The following DPYD variants were observed in gnomAD, a reference collection of about 807,000 sequenced individuals.
DPYD encodes dihydropyrimidine dehydrogenase [NADP(+)].
DPYD carries 109 observed loss-of-function variants against 116.2 expected under a neutral mutation model. The ratio of observed to expected loss-of-function variants is 0.94; its 90% confidence interval spans 0.80 to 1.10. The LOEUF (loss-of-function observed/expected upper bound fraction) is 1.10, where lower values mean the gene tolerates loss of function less well. Among genes scored for constraint, DPYD ranks in the 50% least tolerant of loss-of-function variants. DPYD has a pLI of 0.00. For missense variants in DPYD, 1,302 were observed against 1,254.5 expected (o/e 1.04, Z -0.57); for synonymous variants, 440 against 432.0 (o/e 1.02, Z -0.23).
intron 14 of DPYD, among the ~76,000 whole-genome samples, chr1:97,385,424 G>T (rs1005835075): frequency 7.5e-5 from 11 of 146,928 alleles, no homozygotes; most frequent in Non-Finnish European, 1.6e-4. Context: ...CAGATACAGA[G>T]ATACAGACTG....
chr1:97,294,984 T>G (rs886994300), intron 18 of DPYD, among the ~76,000 whole-genome samples: 1 of 152,208 alleles, frequency 6.6e-6, no homozygotes, highest in African/African-American at 2.4e-5. Flanking sequence ...TGTAGACTAT[T>G]AGAATTTAAT....
chr1:97,827,122 A>C (rs1669279428), intron 3 of DPYD, among the ~76,000 whole-genome samples: 1 of 152,058 alleles, frequency 6.6e-6, no homozygotes, highest in Non-Finnish European at 1.5e-5. Context: ...GCAGCTTCTA[A>C]ACTAAAGTAT....
chr1:97,144,004 T>C (rs1395845642), intron 20 of DPYD, among the ~76,000 whole-genome samples: 3 of 152,202 alleles, frequency 2.0e-5, no homozygotes, highest in African/African-American at 7.2e-5. Flanking sequence ...CTTGCCATGA[T>C]TCTCTGGTCA....
chr1:97,814,918 A>AAGAGG (rs1553245496), intron 3 of DPYD, among the ~76,000 whole-genome samples: 7 of 85,572 alleles, frequency 8.2e-5, no homozygotes, highest in Non-Finnish European at 1.1e-4. Flanking sequence ...AAAAAAAAAA[A>AAGAGG]AAAGAAAGAG....
chr1:97,235,157 T>C (rs887588333), intron 18 of DPYD, among the ~76,000 whole-genome samples, 163 bp from the exon 19 acceptor site: 1 of 152,284 alleles, frequency 6.6e-6, no homozygotes, highest in Non-Finnish European at 1.5e-5. Flanking sequence ...ATAAATGTTA[T>C]GTTTTAAAGC....
At chr1:97,389,310 G>GAA (rs11349223) in intron 14 of DPYD, among the ~76,000 whole-genome samples, 21 of 138,642 alleles carry the variant, frequency 1.5e-4, no homozygotes, top group Admixed American at 4.3e-4. Flanking sequence ...TTTTGTCTTT[G>GAA]AAAAAAAAAA....
intron 2 of DPYD, among the ~76,000 whole-genome samples, chr1:97,863,898 C>T (rs1016293640): frequency 6.6e-6 from 1 of 151,872 alleles, no homozygotes; most frequent in African/African-American, 2.4e-5. Context: ...ATATAAAACC[C>T]TGGAATACAG....
chr1:97,187,643 C>T (rs1658090223), intron 20 of DPYD, among the ~76,000 whole-genome samples: 1 of 151,894 alleles, frequency 6.6e-6, no homozygotes, highest in Non-Finnish European at 1.5e-5. Context: ...ATTATTTTTG[C>T]CTAGACTCAT....
chr1:97,755,184 GA>G (rs2101111004), intron 3 of DPYD, among the ~76,000 whole-genome samples: 1 of 152,264 alleles, frequency 6.6e-6, no homozygotes, highest in South Asian at 2.1e-4. Flanking sequence ...CTTGAGCTAA[GA>G]AGGGACAAGG....
intron 13 of DPYD, among the ~76,000 whole-genome samples, chr1:97,470,790 G>C (rs1677603144): frequency 6.6e-6 from 1 of 152,162 alleles, no homozygotes; most frequent in Admixed American, 6.5e-5. Flanking sequence ...CTGAGGTCAG[G>C]AGTTCGAGAC....
At chr1:97,625,452 T>C (rs1656876217) in intron 8 of DPYD, among the ~76,000 whole-genome samples, 2 of 152,020 alleles carry the variant, frequency 1.3e-5, no homozygotes, top group South Asian at 4.1e-4. Context: ...GATATATCAA[T>C]GGGTAACTGT....
At chr1:97,790,337 G>T (rs557042023) in intron 3 of DPYD, among the ~76,000 whole-genome samples, 4 of 152,128 alleles carry the variant, frequency 2.6e-5, no homozygotes, top group Non-Finnish European at 5.9e-5. Flanking sequence ...AAGAAAGAGA[G>T]GAATGATACT....
intron 1 of DPYD, among the ~76,000 whole-genome samples, chr1:97,887,386 C>T (rs1332793154): frequency 6.9e-6 from 1 of 144,266 alleles, no homozygotes; most frequent in East Asian, 2.1e-4. Context: ...AGGAGGATCG[C>T]TTGAGCCTGG....
rs1346124437 is a variant in DPYD, at chr1:97,450,199, TG to T, written c.1764del (p.Arg589GlufsTer20). On this transcript the variant is annotated frameshift_variant, in exon 14 of 23. Transcript: ENST00000370192. LOFTEE classifies it high-confidence loss of function. ...CCAGAGGTGGTTCCCCGGATGATTCTGGGGGAAACATTTGTCACAATGTCCT... is the reference window on the plus strand; with the variant it reads ...CCAGAGGTGGTTCCCCGGATGATTCTGGGGAAACATTTGTCACAATGTCCT... ...LDKDIVTNVS[P>X]RIIRGTTSGP... The T allele has an allele frequency of 1.2e-6, 2 of 1,613,620 alleles. No individual in the cohort carries two copies. The highest frequency in any genetic ancestry group is 4.5e-5 in the East Asian group (2 of 44,878).
intron 13 of DPYD, among the ~76,000 whole-genome samples, chr1:97,463,788 C>T (rs972808814): frequency 5.3e-5 from 8 of 152,170 alleles, no homozygotes; most frequent in African/African-American, 1.9e-4. Context: ...CAGCATTTTG[C>T]CCCTGCCCTA....
At chr1:97,589,211 T>A (rs1654345827) in intron 10 of DPYD, among the ~76,000 whole-genome samples, 1 of 152,218 alleles carries the variant, frequency 6.6e-6, no homozygotes, top group African/African-American at 2.4e-5. Context: ...CATTCCTGAG[T>A]CTAACCATAT....
chr1:97,893,684 C>A (rs1450842108), intron 1 of DPYD, among the ~76,000 whole-genome samples: 1 of 151,378 alleles, frequency 6.6e-6, no homozygotes, highest in African/African-American at 2.4e-5. Flanking sequence ...TTCATTTCTA[C>A]TGAGCATATA....
At chr1:97,360,575 G>T (rs1053390143) in intron 16 of DPYD, among the ~76,000 whole-genome samples, 1 of 152,126 alleles carries the variant, frequency 6.6e-6, no homozygotes, top group Non-Finnish European at 1.5e-5. Flanking sequence ...CTCAGCAAAT[G>T]GAAAAGAACA....
At chr1:97,481,838 T>C (rs1570806711) in intron 13 of DPYD, among the ~76,000 whole-genome samples, 2 of 152,260 alleles carry the variant, frequency 1.3e-5, no homozygotes, top group Admixed American at 1.3e-4. Flanking sequence ...TACCAGTTCT[T>C]CAGAAAATTA....
Sources: gnomAD v4.1 joint callset for allele counts (sites outside exome capture counted in the v4.1 genomes callset) on GRCh38, gnomAD v4.1.1 for gene constraint, MANE v1.5 for transcripts, NCBI Gene and HGNC (gene_info 2026-07-23, HGNC 2026-07-21) for gene names.